The following ANKRD44 variants were observed in gnomAD, a reference collection of about 807,000 sequenced individuals.
ANKRD44 encodes serine/threonine-protein phosphatase 6 regulatory ankyrin repeat subunit B.
In ANKRD44, 35 loss-of-function variants were observed where a neutral mutation model predicts 116.0. The ratio of observed to expected loss-of-function variants is 0.30; its 90% CI spans 0.23 to 0.40. The LOEUF (loss-of-function observed/expected upper bound fraction) is 0.40. Among genes scored for constraint, ANKRD44 ranks in the 10% least tolerant of loss-of-function variants. The pLI is 1.00. For synonymous variants in ANKRD44, 435 were observed against 461.8 expected, an observed-to-expected ratio of 0.94 and a Z score of 0.74; for missense variants, 1,014 against 1,242.6, an observed-to-expected ratio of 0.82 and a Z score of 2.77.
chr2:197,219,873 G>A (rs1218586574), intron 1 of ANKRD44, among the ~76,000 whole-genome samples: 1 of 152,174 alleles, frequency 6.6e-6, no homozygotes, highest in Admixed American at 6.5e-5. Flanking sequence ...ATCTCCAAAG[G>A]CAGGGAGAGG....
chr2:197,289,780 T>C (rs1365936384), intron 1 of ANKRD44, among the ~76,000 whole-genome samples: 2 of 152,138 alleles, frequency 1.3e-5, no homozygotes, highest in Admixed American at 6.6e-5. Context: ...TGGGGGTGAT[T>C]ACACAGGTAA....
chr2:197,192,945 A>T (rs1054901936), intron 1 of ANKRD44, among the ~76,000 whole-genome samples: 2 of 152,246 alleles, frequency 1.3e-5, no homozygotes, highest in Non-Finnish European at 2.9e-5. Flanking sequence ...TGTCTCCTAC[A>T]GGCTATGCTG....
chr2:196,980,008 A>G (rs745815898), intron 21 of ANKRD44, among the ~76,000 whole-genome samples: 3 of 152,182 alleles, frequency 2.0e-5, no homozygotes, highest in Non-Finnish European at 4.4e-5. Context: ...ATTAATATAC[A>G]CTAGAAAATA....
chr2:197,072,579 T>C (rs913289608), intron 16 of ANKRD44, among the ~76,000 whole-genome samples: 1 of 152,240 alleles, frequency 6.6e-6, no homozygotes, highest in African/African-American at 2.4e-5. Context: ...GCATTGATGT[T>C]TTATCACTAA....
chr2:197,159,578 TTC>T (rs2079906693), intron 2 of ANKRD44, among the ~76,000 whole-genome samples: 1 of 152,276 alleles, frequency 6.6e-6, no homozygotes, highest in African/African-American at 2.4e-5. Context: ...GTCCAAAGAC[TTC>T]AATACCTTGT....
intron 2 of ANKRD44, among the ~76,000 whole-genome samples, chr2:197,151,123 C>A (rs1382703976): frequency 7.9e-5 from 11 of 139,700 alleles, no homozygotes; most frequent in African/African-American, 2.5e-4. Context: ...TGAAAATATG[C>A]AAAAAAAAAA....
intron 16 of ANKRD44, among the ~76,000 whole-genome samples, chr2:197,059,567 T>C (rs1162871759): frequency 6.6e-6 from 1 of 152,178 alleles, no homozygotes; most frequent in Admixed American, 6.5e-5. Flanking sequence ...GCAGCACAGA[T>C]TCAAGTAAGT....
At chr2:197,078,969 T>TTGTG (rs59690082) in intron 15 of ANKRD44, among the ~76,000 whole-genome samples, 155 bp from the exon 16 acceptor site, 8,276 of 146,454 alleles carry the variant, frequency 0.057, 248 homozygotes, top group Middle Eastern at 0.094. Flanking sequence ...GTGTTGAAAA[T>TTGTG]TGTGTGTGTG....
chr2:197,095,632 G>A (rs1401847085), intron 10 of ANKRD44, among the ~76,000 whole-genome samples: 6 of 152,196 alleles, frequency 3.9e-5, no homozygotes, highest in Admixed American at 3.9e-4. Context: ...TTGCTCAGGA[G>A]CTGAGGGTCC....
At chr2:196,970,783 C>A (rs2075709608) in intron 21 of ANKRD44, among the ~76,000 whole-genome samples, 1 of 152,170 alleles carries the variant, frequency 6.6e-6, no homozygotes, top group African/African-American at 2.4e-5. Flanking sequence ...CTCACTGCAG[C>A]CTCTACCTCC....
chr2:197,037,865 C>A (rs2076836405), intron 16 of ANKRD44, among the ~76,000 whole-genome samples: 1 of 152,068 alleles, frequency 6.6e-6, no homozygotes, highest in Admixed American at 6.5e-5. Flanking sequence ...TCGCTTGAGC[C>A]CAGGAGGTTG....
chr2:197,254,618 C>CACACAG (rs1367403707), intron 1 of ANKRD44, among the ~76,000 whole-genome samples: 259 of 149,186 alleles, frequency 1.7e-3, no homozygotes, highest in Middle Eastern at 6.8e-3. Flanking sequence ...CACACACACA[C>CACACAG]ACACACACAC....
At chr2:197,058,219 T>G (rs888485461) in intron 16 of ANKRD44, among the ~76,000 whole-genome samples, 1 of 152,152 alleles carries the variant, frequency 6.6e-6, no homozygotes, top group African/African-American at 2.4e-5. Flanking sequence ...TGAAAAAAAT[T>G]TATTGAGATT....
chr2:197,061,017 G>T (rs970391655), intron 16 of ANKRD44, among the ~76,000 whole-genome samples: 1 of 151,940 alleles, frequency 6.6e-6, no homozygotes, highest in Non-Finnish European at 1.5e-5. Flanking sequence ...TTGAGATACT[G>T]ATTTCATTTC....
chr2:197,293,990 T>G (rs1381709093), intron 1 of ANKRD44, among the ~76,000 whole-genome samples: 1 of 152,056 alleles, frequency 6.6e-6, no homozygotes, highest in Non-Finnish European at 1.5e-5. Context: ...GATAGGCAAA[T>G]GAAATGCACC....
intron 1 of ANKRD44, among the ~76,000 whole-genome samples, chr2:197,256,945 A>C (rs1385287146): frequency 6.6e-6 from 1 of 152,176 alleles, no homozygotes; most frequent in Non-Finnish European, 1.5e-5. Context: ...AGAAGAAAAA[A>C]ACTGTATTCA....
At chr2:197,064,439 T>C (rs1465442200) in intron 16 of ANKRD44, among the ~76,000 whole-genome samples, 5 of 152,148 alleles carry the variant, frequency 3.3e-5, no homozygotes, top group African/African-American at 1.2e-4. Flanking sequence ...AGGATCAAAT[T>C]CACACATAAC....
intron 16 of ANKRD44, among the ~76,000 whole-genome samples, chr2:197,032,276 C>G (rs185430034): frequency 6.6e-6 from 1 of 152,022 alleles, no homozygotes; most frequent in Non-Finnish European, 1.5e-5. Flanking sequence ...ACCCTAGAAG[C>G]AGGAGGCATA....
At chr2:196,978,203 TGA>T (rs748855630) in intron 21 of ANKRD44, among the ~76,000 whole-genome samples, 10 of 152,064 alleles carry the variant, frequency 6.6e-5, no homozygotes, top group Non-Finnish European at 1.3e-4. Flanking sequence ...CTTAAAATAA[TGA>T]GTGTGTTCTT....
Sources: allele counts gnomAD v4.1 joint callset (sites outside exome capture counted in the v4.1 genomes callset), GRCh38; gene constraint gnomAD v4.1.1; transcripts MANE v1.5; gene names NCBI Gene and HGNC (gene_info 2026-07-23, HGNC 2026-07-21).